Variants in MYO9A observed in about 807,000 individuals in gnomAD.
MYO9A encodes the protein unconventional myosin-IXa.
MYO9A carries 103 observed loss-of-function variants against 293.3 expected under a neutral mutation model. The observed-to-expected ratio is 0.35, with a 90% CI of 0.30 to 0.41. The LOEUF is 0.41. Among genes scored for constraint, MYO9A ranks in the 10% least tolerant of loss-of-function variants. The pLI is 1.00. For synonymous variants in MYO9A, 1,001 were observed against 1,035.7 expected (o/e 0.97, Z 0.64); for missense variants, 2,685 against 3,033.0 (o/e 0.89, Z 2.69).
chr15:71,905,762 C>CAAAAAAA (rs3086807), intron 19 of MYO9A, among the ~76,000 whole-genome samples: 14 of 71,900 alleles, frequency 1.9e-4, no homozygotes, highest in African/African-American at 7.2e-4. Context: ...GACTCTGTCT[C>CAAAAAAA]AAAAAAAAAA....
chr15:72,037,911 C>CTTTT (rs918016153), intron 2 of MYO9A, among the ~76,000 whole-genome samples: 1 of 139,994 alleles, frequency 7.1e-6, no homozygotes. Context: ...AGACTATCAG[C>CTTTT]TTTTTTTTTT....
At chr15:71,872,380 C>T (rs1018001092) in intron 32 of MYO9A, among the ~76,000 whole-genome samples, 1 of 151,982 alleles carries the variant, frequency 6.6e-6, no homozygotes, top group Non-Finnish European at 1.5e-5. Context: ...ATCACACAAA[C>T]GTTATTTTCC....
At chr15:72,097,908 C>A (rs967322882) in intron 1 of MYO9A, among the ~76,000 whole-genome samples, 18 of 151,286 alleles carry the variant, frequency 1.2e-4, no homozygotes, top group South Asian at 8.4e-4. Context: ...GACTCCATCT[C>A]AAAAATAAAT....
intron 4 of MYO9A, among the ~76,000 whole-genome samples, 182 bp downstream of exon 4, chr15:72,027,549 T>C (rs1445003746): frequency 6.6e-6 from 1 of 152,116 alleles, no homozygotes; most frequent in Non-Finnish European, 1.5e-5. Flanking sequence ...ATATACCAAA[T>C]AAAGATCTCC....
intron 1 of MYO9A, among the ~76,000 whole-genome samples, chr15:72,079,108 CAG>C (rs1340792685): frequency 2.1e-4 from 32 of 152,150 alleles, no homozygotes; most frequent in Non-Finnish European, 1.2e-4. Flanking sequence ...CCCTAAACTA[CAG>C]ACCACAAATA....
At chr15:71,869,242 T>C (rs572675464) in intron 32 of MYO9A, among the ~76,000 whole-genome samples, 2 of 152,180 alleles carry the variant, frequency 1.3e-5, no homozygotes, top group Admixed American at 1.3e-4. Context: ...GCTGAGTTTT[T>C]TGAAACAACC....
At chr15:71,962,457 T>G (rs569606784) in intron 13 of MYO9A, among the ~76,000 whole-genome samples, 29 of 152,294 alleles carry the variant, frequency 1.9e-4, no homozygotes, top group African/African-American at 7.0e-4. Context: ...TTTTGGTCCT[T>G]GGCTTGTCCT....
chr15:71,935,595 T>C, intron 16 of MYO9A, 111 bp from the exon 17 acceptor site: 1 of 1,088,052 alleles, frequency 9.2e-7, no homozygotes, highest in Non-Finnish European at 1.3e-6. Context: ...AAAAAAATGC[T>C]AAACCAACCA....
Position 71,986,043 on chromosome 15 carries a change from A to G in MYO9A, c.1722+5060T>C, listed in dbSNP as rs867801954. Among the ~76,000 whole-genome samples the G allele has an allele frequency of 8.5e-5, 13 of 152,368 alleles. 1 individual carries two copies. In the South Asian group the frequency reaches 2.7e-3, roughly 32 times the overall value. ...AAGAGGGCAGTAATACAAGTAACAGAAAACATACAATTGGCCCTCCATATC... is the reference window on the plus strand; with the variant it reads ...AAGAGGGCAGTAATACAAGTAACAGGAAACATACAATTGGCCCTCCATATC... On this transcript the variant is annotated intron_variant, in intron 11 of 41. Transcript: ENST00000356056.
At chr15:71,961,565 T>G (rs1303311646) in intron 13 of MYO9A, among the ~76,000 whole-genome samples, 1 of 152,178 alleles carries the variant, frequency 6.6e-6, no homozygotes, top group Non-Finnish European at 1.5e-5. Context: ...TACTCTCATT[T>G]TATAGATGAG....
chr15:72,064,862 C>T (rs1225648434), intron 1 of MYO9A, among the ~76,000 whole-genome samples: 1 of 152,156 alleles, frequency 6.6e-6, no homozygotes, highest in Non-Finnish European at 1.5e-5. Context: ...CAAGCTGATT[C>T]TCAATGTGTA....
At chr15:71,920,509 A>G (rs2058128539) in intron 18 of MYO9A, among the ~76,000 whole-genome samples, 2 of 152,284 alleles carry the variant, frequency 1.3e-5, no homozygotes, top group Middle Eastern at 6.8e-3. Context: ...CAACTCTGAA[A>G]ACTTGATTTT....
intron 15 of MYO9A, among the ~76,000 whole-genome samples, chr15:71,945,181 G>T (rs759698355): frequency 3.9e-5 from 6 of 152,140 alleles, no homozygotes; most frequent in Non-Finnish European, 8.8e-5. Flanking sequence ...CATGTCTCAA[G>T]AGGTTGTATT....
intron 18 of MYO9A, among the ~76,000 whole-genome samples, chr15:71,930,332 ATCTC>A (rs1173751478): frequency 3.9e-5 from 6 of 152,156 alleles, no homozygotes; most frequent in African/African-American, 1.2e-4. Flanking sequence ...ATTGTAGTTT[ATCTC>A]TCTCTTCAGA....
At chr15:71,896,459 T>C (rs1002276011) in intron 25 of MYO9A, among the ~76,000 whole-genome samples, 2 of 152,152 alleles carry the variant, frequency 1.3e-5, no homozygotes, top group African/African-American at 4.8e-5. Flanking sequence ...TTCTCATGAC[T>C]ACCTCTAGTT....
chr15:71,945,828 C>T (rs1477741698), intron 15 of MYO9A, among the ~76,000 whole-genome samples: 1 of 152,096 alleles, frequency 6.6e-6, no homozygotes, highest in Non-Finnish European at 1.5e-5. Context: ...AAAAAGTATT[C>T]AATCTTTCAC....
chr15:71,933,843 T>A, intron 17 of MYO9A, 134 bp from the exon 18 acceptor site: 1 of 740,680 alleles, frequency 1.4e-6, no homozygotes, highest in Non-Finnish European at 2.3e-6. Context: ...TGTAGGTTCT[T>A]TATATGAAAA....
intron 10 of MYO9A, among the ~76,000 whole-genome samples, chr15:71,992,793 A>C (rs1281536441): frequency 6.6e-6 from 1 of 151,650 alleles, no homozygotes; most frequent in Non-Finnish European, 1.5e-5. Flanking sequence ...AAGTCTAAAC[A>C]TAAAAAAATT....
At position 71,899,897 on chromosome 15, in the gene MYO9A, G is replaced by A. The variant is rs200259209; in HGVS notation, c.3260C>T (p.Ala1087Val). The change falls in exon 24 of 42, where the codon GCT becomes GTT. Residue 1087 changes from alanine (A) to valine (V), a missense_variant. Ala to Val is a moderately conservative substitution (Grantham distance 64). Around this residue, in one of 10 missense-constraint regions of MYO9A, gnomAD observed 1,434 missense variants for 1,497.7 expected, o/e 0.96. Coordinates refer to ENST00000356056, the MANE Select transcript of MYO9A (RefSeq NM_006901.4). ...AAALLQASWR[A>V]HLERQRYLEL... ...CAAGTACCGCTGCCTCTCTAAGTGA[G>A]CACGCCAGGAAGCTTGGAGAAGAGC... 1 of 1,614,062 alleles carries A rather than the reference G, an allele frequency of 6.2e-7. No individual in the cohort carries two copies. The highest frequency in any genetic ancestry group is 2.2e-5 in the East Asian group (1 of 44,848).
Sources: gnomAD v4.1 joint callset for allele counts (sites outside exome capture counted in the v4.1 genomes callset) on GRCh38, gnomAD v4.1.1 for gene constraint, gnomAD v4.1.1 regional missense constraint, MANE v1.5 for transcripts, NCBI Gene and HGNC (gene_info 2026-07-23, HGNC 2026-07-21) for gene names.